The following ASAP2 variants were observed in gnomAD, a reference collection of about 807,000 sequenced individuals.
ASAP2 encodes ArfGAP with SH3 domain, ankyrin repeat and PH domain 2.
In ASAP2, 45 loss-of-function variants were observed where a neutral mutation model predicts 131.4. The observed-to-expected ratio is 0.34, with a 90% CI of 0.27 to 0.44. The LOEUF (loss-of-function observed/expected upper bound fraction) is 0.44, where lower values mean the gene tolerates loss of function less well. Ranked by LOEUF, ASAP2 falls within the 20% of genes least tolerant of loss-of-function variation. The pLI is 1.00. For synonymous variants in ASAP2, 510 were observed against 503.0 expected, an observed-to-expected ratio of 1.01 and a Z score of -0.19; for missense variants, 1,011 against 1,297.0, an observed-to-expected ratio of 0.78 and a Z score of 3.39.
At chr2:9,377,692 G>A (rs1244964977) in intron 18 of ASAP2, among the ~76,000 whole-genome samples, 1 of 152,164 alleles carries the variant, frequency 6.6e-6, no homozygotes, top group African/African-American at 2.4e-5. Flanking sequence ...CACAGAAATT[G>A]CTCCAAAGGA....
At chr2:9,284,049 ATGACAT>A (rs1667305787) in intron 2 of ASAP2, among the ~76,000 whole-genome samples, 1 of 152,170 alleles carries the variant, frequency 6.6e-6, no homozygotes, top group Admixed American at 6.5e-5. Flanking sequence ...GACCCTTGTG[ATGACAT>A]TGGCCTCATC....
intron 9 of ASAP2, 45 bp downstream of exon 9, chr2:9,335,224 T>TTG (rs756194937): frequency 1.5e-5 from 24 of 1,557,980 alleles, no homozygotes; most frequent in Middle Eastern, 1.7e-4. Context: ...CACCCCATTC[T>TTG]TGGAGGCTTT....
chr2:9,400,398 C>G (rs1374521328), intron 25 of ASAP2, among the ~76,000 whole-genome samples: 2 of 89,130 alleles, frequency 2.2e-5, no homozygotes, highest in African/African-American at 5.5e-5. Context: ...CCACCCCTCC[C>G]TTCCCCTCCC....
rs1662132960 is a variant in ASAP2, at chr2:9,217,550, T to G, written c.126+10320T>G. The stretch of plus-strand genomic sequence containing the variant: ...TAGGATTCTAGCCAGGCAGTCAGGA[T>G]TGTCGGGACCTCTTTCCCCAGCTTC... On this transcript the variant is annotated intron_variant, in intron 1 of 27. Transcript: ENST00000281419. This position sits in a 1 kb window ranked among gnomAD's most constrained non-coding sequence, Gnocchi z 4.0. Among the ~76,000 whole-genome samples the G allele has an allele frequency of 6.6e-6, 1 of 152,186 alleles. No individual in the cohort carries two copies. Among genetic ancestry groups the G allele is most frequent in the Admixed American group, 6.5e-5 (1 of 15,282 alleles).
At chr2:9,368,056 TG>T (rs1367639289) in intron 15 of ASAP2, among the ~76,000 whole-genome samples, 1 of 152,192 alleles carries the variant, frequency 6.6e-6, no homozygotes, top group Non-Finnish European at 1.5e-5. Flanking sequence ...ACCTCATAGC[TG>T]GCATAAGTAA....
At chr2:9,227,883 G>T (rs910774139) in intron 1 of ASAP2, among the ~76,000 whole-genome samples, 1 of 152,238 alleles carries the variant, frequency 6.6e-6, no homozygotes, top group African/African-American at 2.4e-5. Context: ...CTTTGGAAAT[G>T]ACTAGTGAGG....
rs149822943 is a variant in ASAP2, at chr2:9,370,077, A to G, written c.1556+1558A>G. Among the ~76,000 whole-genome samples the G allele has an allele frequency of 2.1e-3, 327 of 152,220 alleles. 1 individual carries two copies. The highest frequency in any genetic ancestry group is 7.4e-3 in the African/African-American group (306 of 41,530). On this transcript the variant is annotated intron_variant, in intron 16 of 27. Transcript: ENST00000281419. Reference sequence around the variant, plus strand: ...CTGGTCTTGAACTCCTGACCTCGTGATCTGCCCACCTTGGCCTCCCAAAGT... The same window carrying G: ...CTGGTCTTGAACTCCTGACCTCGTGGTCTGCCCACCTTGGCCTCCCAAAGT...
At chr2:9,226,683 C>A (rs922974315) in intron 1 of ASAP2, among the ~76,000 whole-genome samples, 7 of 152,178 alleles carry the variant, frequency 4.6e-5, no homozygotes, top group Non-Finnish European at 7.3e-5. Flanking sequence ...CCCTCTTAAG[C>A]CCTGGAGGGG....
At chr2:9,349,312 G>A (rs1486980076) in intron 11 of ASAP2, among the ~76,000 whole-genome samples, 2 of 152,146 alleles carry the variant, frequency 1.3e-5, no homozygotes, top group East Asian at 1.9e-4. Flanking sequence ...ATTTGCACGT[G>A]TACAGTTGTG....
chr2:9,304,536 G>A (rs1423198601), intron 3 of ASAP2, among the ~76,000 whole-genome samples: 1 of 150,156 alleles, frequency 6.7e-6, no homozygotes. Context: ...GATGTACATA[G>A]GTGGGAGGGC....
chr2:9,383,425 A>C (rs893529106), intron 20 of ASAP2, among the ~76,000 whole-genome samples: 2 of 151,994 alleles, frequency 1.3e-5, no homozygotes, highest in Non-Finnish European at 2.9e-5. Flanking sequence ...TGGCTAAAAA[A>C]GTTTTTAAAT....
At chr2:9,299,904 A>G (rs1406527629) in intron 3 of ASAP2, among the ~76,000 whole-genome samples, 1 of 152,190 alleles carries the variant, frequency 6.6e-6, no homozygotes, top group Non-Finnish European at 1.5e-5. Context: ...CCCACTTTAC[A>G]GATTAGATAA....
At chr2:9,320,389 TTAA>T in intron 5 of ASAP2, 52 bp downstream of exon 5, 3 of 1,402,162 alleles carry the variant, frequency 2.1e-6, no homozygotes, top group Non-Finnish European at 3.0e-6. Context: ...GATTTCAAAT[TTAA>T]ACCAACCTCG....
chr2:9,340,233 G>A (rs528212090), intron 9 of ASAP2, among the ~76,000 whole-genome samples: 10 of 152,320 alleles, frequency 6.6e-5, no homozygotes, highest in African/African-American at 2.4e-4. Context: ...ATGTTGGCCA[G>A]GCTGGTCTCG....
At chr2:9,338,608 G>A (rs1011180488) in intron 9 of ASAP2, among the ~76,000 whole-genome samples, 43 of 152,134 alleles carry the variant, frequency 2.8e-4, no homozygotes, top group African/African-American at 1.0e-3. Context: ...TGGAGGACTC[G>A]TTTGTTGATT....
intron 1 of ASAP2, among the ~76,000 whole-genome samples, chr2:9,256,248 G>T (rs182726200): frequency 6.6e-6 from 1 of 152,022 alleles, no homozygotes; most frequent in East Asian, 1.9e-4. Flanking sequence ...CCAACCATGT[G>T]CCAGCTTGGG....
At chr2:9,396,010 A>G (rs1427617635) in intron 24 of ASAP2, among the ~76,000 whole-genome samples, 2 of 152,094 alleles carry the variant, frequency 1.3e-5, no homozygotes, top group Admixed American at 1.3e-4. Flanking sequence ...TCCCCCATCC[A>G]GACACCGTCC....
In ASAP2 at chr2:9,404,949, T is replaced by G. The variant is rs943927185; in HGVS notation, c.*1622T>G. 7.2e-5 allele frequency: 11 copies of G among 152,640 alleles called. No individual in the cohort carries two copies. The highest frequency in any genetic ancestry group is 2.4e-4 in the African/African-American group (10 of 41,462). The allele number at this position is 152,640 out of a possible 1,614,324, so 9.5% of individuals were successfully genotyped here. A position where few individuals can be genotyped will look rare whatever the true frequency, so the allele number is the denominator to read the frequency against. ...TTAATTTCTGTTTGAACCCTTCATTTAATTTTCTCATAGATTTAAGTAAAC... is the reference window on the plus strand; with the variant it reads ...TTAATTTCTGTTTGAACCCTTCATTGAATTTTCTCATAGATTTAAGTAAAC... On this transcript the variant is annotated 3_prime_UTR_variant, in exon 28 of 28. Coordinates refer to ENST00000281419, the MANE Select transcript of ASAP2 (RefSeq NM_003887.3).
intron 1 of ASAP2, among the ~76,000 whole-genome samples, chr2:9,259,154 T>C (rs932650150): frequency 2.0e-5 from 3 of 151,352 alleles, no homozygotes; most frequent in Non-Finnish European, 4.4e-5. Flanking sequence ...TCGCTTCCTC[T>C]CTTGTTCTGT....
Sources: gnomAD v4.1 joint callset for allele counts (sites outside exome capture counted in the v4.1 genomes callset) on GRCh38, gnomAD v4.1.1 for gene constraint, Gnocchi (gnomAD v3.1) non-coding constraint, MANE v1.5 for transcripts, NCBI Gene and HGNC (gene_info 2026-07-23, HGNC 2026-07-21) for gene names.